The following MBNL3 variants were observed in gnomAD, a reference collection of about 807,000 sequenced individuals.
MBNL3 encodes muscleblind like splicing regulator 3.
Under a neutral mutation model 24.5 loss-of-function variants are expected in MBNL3, and 6 were observed. The observed-to-expected ratio is 0.25, with a 90% CI of 0.13 to 0.48. The LOEUF is 0.48. Among genes scored for constraint, MBNL3 ranks in the 20% least tolerant of loss-of-function variants. The pLI, the probability that MBNL3 is intolerant of heterozygous loss-of-function variation, is 0.99. For synonymous variants in MBNL3, 100 were observed against 101.7 expected (o/e 0.98, Z 0.10); for missense variants, 230 against 293.5 (o/e 0.78, Z 1.58).
At chrX:132,423,843 T>C (rs1473852440) in intron 2 of MBNL3, among the ~76,000 whole-genome samples, 1 of 111,818 alleles carries the variant, frequency 8.9e-6, no homozygotes, top group Non-Finnish European at 1.9e-5. Flanking sequence ...TACATTAACA[T>C]GTCCAAATGA....
intron 1 of MBNL3, among the ~76,000 whole-genome samples, chrX:132,470,092 T>C (rs1395100015): frequency 8.9e-6 from 1 of 112,076 alleles, no homozygotes; most frequent in Non-Finnish European, 1.9e-5. Context: ...TGCCACATTT[T>C]GCTTACCTGT....
At chrX:132,439,327 T>C (rs112116996) in intron 2 of MBNL3, 108 bp downstream of exon 2, 1 of 911,481 alleles carries the variant, frequency 1.1e-6, no homozygotes, top group South Asian at 3.6e-5. Flanking sequence ...AAAAACAAAA[T>C]TTATCACTTT....
intron 7 of MBNL3, among the ~76,000 whole-genome samples, chrX:132,383,506 C>G (rs1336286018): frequency 8.9e-6 from 1 of 112,489 alleles, no homozygotes; most frequent in African/African-American, 3.2e-5. Flanking sequence ...AAAACTGTCA[C>G]AAAACATGAA....
intron 1 of MBNL3, among the ~76,000 whole-genome samples, chrX:132,444,123 G>A (rs1452848026): frequency 1.8e-5 from 2 of 109,114 alleles, no homozygotes; most frequent in African/African-American, 3.3e-5. Context: ...AACTGCTTGA[G>A]CATAGAGATC....
At chrX:132,449,984 C>G (rs982256532) in intron 1 of MBNL3, among the ~76,000 whole-genome samples, 3 of 66,499 alleles carry the variant, frequency 4.5e-5, no homozygotes, top group Non-Finnish European at 6.6e-5. Flanking sequence ...ATTGCCCCCC[C>G]CCCCCCCCCG....
Position 132,386,725 on chromosome X carries a change from A to G in MBNL3, c.858T>C (p.Thr286=). The G allele has an allele frequency of 2.5e-6, 3 of 1,211,105 alleles. No individual in the cohort carries two copies. In the South Asian group the frequency reaches 5.3e-5, roughly 21 times the overall value. Residue 286 remains threonine, a synonymous_variant, in exon 6 of 9, where the codon ACT becomes ACC. Coordinates refer to ENST00000370853, the MANE Select transcript of MBNL3 (RefSeq NM_001386889.1). ...TCAGAGCCTGTTGGCAGTGGAAAAC[A>G]GTGGGATTAAAGACCGGGGTGGCAC... The part of the protein sequence containing the change: ...PNGATPVFNP[T]VFHCQQALTN...
At chrX:132,464,027 T>G (rs1385588649) in intron 1 of MBNL3, among the ~76,000 whole-genome samples, 1 of 112,383 alleles carries the variant, frequency 8.9e-6, no homozygotes, top group African/African-American at 3.2e-5. Flanking sequence ...TCTTCCTCTG[T>G]TTTATGAAAA....
rs769108692 is a variant in MBNL3, at chrX:132,372,007, G to A, written c.*7659C>T. ...TCATAAAAAAAGACATAACCAAGAA[G>A]TTTATGCATTTTATTAGAAGAACAA... On this transcript the variant is annotated 3_prime_UTR_variant, in exon 9 of 9. Transcript: ENST00000370853. The A allele has an allele frequency of 3.6e-5, 4 of 110,727 alleles. No individual in the cohort carries two copies. The highest frequency in any genetic ancestry group is 9.8e-5 in the African/African-American group (3 of 30,634). 9.1% of individuals were successfully genotyped at this position (110,727 alleles called of 1,213,427 possible). A position where few individuals can be genotyped will look rare whatever the true frequency, so the allele number is the denominator to read the frequency against.
At chrX:132,482,514 G>A (rs1947793871) in intron 1 of MBNL3, among the ~76,000 whole-genome samples, 1 of 111,002 alleles carries the variant, frequency 9.0e-6, no homozygotes, top group Non-Finnish European at 1.9e-5. Context: ...CTTAAGTTTA[G>A]AGGCAGACAT....
At chrX:132,429,231 C>T (rs1319992944) in intron 2 of MBNL3, among the ~76,000 whole-genome samples, 1 of 112,681 alleles carries the variant, frequency 8.9e-6, no homozygotes, top group Non-Finnish European at 1.9e-5. Flanking sequence ...TGAATTGCTA[C>T]TGCAATATTT....
rs1945308790 is a variant in MBNL3, at chrX:132,439,786, A to G, written c.-175T>C. The G allele has an allele frequency of 1.5e-6, 1 of 681,026 alleles. No individual in the cohort carries two copies. The highest frequency in any genetic ancestry group is 4.3e-5 in the East Asian group (1 of 23,003). 56.1% of individuals were successfully genotyped at this position (681,026 alleles called of 1,213,427 possible). A position where few individuals can be genotyped will look rare whatever the true frequency, so the allele number is the denominator to read the frequency against. Reference sequence around the variant, plus strand: ...AAAGTCAAATCTGGTCTAGTCAAACAAAAAGCCAATCATAAAAACTATCAG... The same window carrying G: ...AAAGTCAAATCTGGTCTAGTCAAACGAAAAGCCAATCATAAAAACTATCAG... On this transcript the variant is annotated 5_prime_UTR_variant, in exon 2 of 9. Coordinates refer to ENST00000370853, the MANE Select transcript of MBNL3 (RefSeq NM_001386889.1).
At chrX:132,405,802 G>A (rs767558675) in intron 3 of MBNL3, among the ~76,000 whole-genome samples, 4 of 103,497 alleles carry the variant, frequency 3.9e-5, no homozygotes, top group South Asian at 9.3e-4. Flanking sequence ...GCTTGAACTC[G>A]GGAGGCAGAA....
chrX:132,459,894 G>A lies in MBNL3; in HGVS notation c.-703-19580C>T, dbSNP rs749884458. Among the ~76,000 whole-genome samples the A allele has an allele frequency of 3.6e-5, 4 of 111,761 alleles. No individual in the cohort carries two copies. The South Asian group carries it at 1.1e-3, about 31-fold the overall frequency. ...CAAGATCCCAGTTAATGACAGATAT[G>A]GTAAATGGGCTGTTAGGAATTCAAA... On this transcript the variant is annotated intron_variant, in intron 1 of 8. Coordinates refer to ENST00000370853, the MANE Select transcript of MBNL3 (RefSeq NM_001386889.1).
chrX:132,453,226 CAT>C (rs1015960863), intron 1 of MBNL3, among the ~76,000 whole-genome samples: 4 of 111,270 alleles, frequency 3.6e-5, no homozygotes, highest in African/African-American at 1.3e-4. Context: ...GAGCCTCTCT[CAT>C]AGACTTGAAG....
intron 3 of MBNL3, among the ~76,000 whole-genome samples, chrX:132,396,530 A>G (rs1271823864): frequency 4.6e-5 from 3 of 65,565 alleles, no homozygotes; most frequent in African/African-American, 2.1e-4. Context: ...TCATATATAT[A>G]TTCATATATA....
chrX:132,469,600 A>G (rs933870731), intron 1 of MBNL3, among the ~76,000 whole-genome samples: 10 of 112,366 alleles, frequency 8.9e-5, no homozygotes, highest in African/African-American at 3.2e-4. Context: ...GTTTAAAAAT[A>G]GATCAACAAT....
chrX:132,399,136 A>T (rs1940383101), intron 3 of MBNL3, among the ~76,000 whole-genome samples: 1 of 111,784 alleles, frequency 8.9e-6, no homozygotes, highest in Non-Finnish European at 1.9e-5. Context: ...TACTAAATAG[A>T]TCAACCCAAT....
intron 1 of MBNL3, among the ~76,000 whole-genome samples, chrX:132,486,834 G>GA (rs891918728): frequency 6.3e-5 from 7 of 110,730 alleles, no homozygotes; most frequent in South Asian, 3.8e-4. Context: ...GACAGTTGAG[G>GA]AAAAAAAAGG....
chrX:132,411,452 T>C (rs1279126974), intron 2 of MBNL3: 1 of 748,082 alleles, frequency 1.3e-6, no homozygotes, highest in Non-Finnish European at 1.6e-6. Context: ...GGAAACAGTT[T>C]AGGGCTGAAT....
Sources: gnomAD v4.1 joint callset for allele counts (sites outside exome capture counted in the v4.1 genomes callset) on GRCh38, gnomAD v4.1.1 for gene constraint, MANE v1.5 for transcripts, NCBI Gene and HGNC (gene_info 2026-07-23, HGNC 2026-07-21) for gene names.